The following MGAT5B variants were observed in gnomAD, a reference collection of about 807,000 sequenced individuals.
The protein encoded by MGAT5B is alpha-1,6-mannosylglycoprotein 6-beta-N-acetylglucosaminyltransferase B.
In MGAT5B, 54 loss-of-function variants were observed where a neutral mutation model predicts 95.1. The observed-to-expected ratio is 0.57, with a 90% confidence interval of 0.46 to 0.71. MGAT5B has a LOEUF of 0.71. Ranked by LOEUF, MGAT5B falls within the 30% of genes least tolerant of loss-of-function variation. MGAT5B has a pLI of 0.00. For missense variants in MGAT5B, 935 were observed against 1,088.6 expected (o/e 0.86, Z 1.99); for synonymous variants, 464 against 451.0 (o/e 1.03, Z -0.36).
In MGAT5B at chr17:76,906,202, A is replaced by G; in HGVS notation, c.1025+15A>G. 6.3e-7 allele frequency: 1 copy of G among 1,585,526 alleles called. No individual in the cohort carries two copies. Among genetic ancestry groups the G allele is most frequent in the Non-Finnish European group, 8.6e-7 (1 of 1,169,412 alleles). ...GAGCTGCAGAGGTGAGTGCTGGGGA[A>G]AGCCACTGGCATTAAGTGGGGCAGG... On this transcript the variant is annotated intron_variant, in intron 8 of 17. Coordinates refer to ENST00000569840, the MANE Select transcript of MGAT5B (RefSeq NM_001199172.2). The surrounding 1 kb of genome is among the most constrained non-coding windows in gnomAD (Gnocchi z 4.6).
chr17:76,921,927 G>A (rs980357487), intron 8 of MGAT5B, among the ~76,000 whole-genome samples: 1 of 152,180 alleles, frequency 6.6e-6, no homozygotes, highest in Admixed American at 6.5e-5. Flanking sequence ...AAGATGAAAG[G>A]AGCTGATGAA....
At position 76,914,382 on chromosome 17, in the gene MGAT5B, G is replaced by A. The variant is rs1968853538; in HGVS notation, c.1025+8195G>A. On this transcript the variant is annotated intron_variant, in intron 8 of 17. Transcript: ENST00000569840. This position sits in a 1 kb window ranked among gnomAD's most constrained non-coding sequence, Gnocchi z 5.1. Reference sequence around the variant, plus strand: ...GCAGGGGTTACAGAATCGCAGGCAGGTGTGTTTGCCTCCTGGGGGTGACCA... The same window carrying A: ...GCAGGGGTTACAGAATCGCAGGCAGATGTGTTTGCCTCCTGGGGGTGACCA... 6.6e-6 allele frequency among the ~76,000 whole-genome samples: 1 copy of A among 152,192 alleles called. No homozygotes were observed. Among genetic ancestry groups the A allele is most frequent in the Admixed American group, 6.5e-5 (1 of 15,286 alleles).
intron 12 of MGAT5B, among the ~76,000 whole-genome samples, chr17:76,937,608 G>T (rs536877117): frequency 6.6e-6 from 1 of 152,074 alleles, no homozygotes; most frequent in South Asian, 2.1e-4. Context: ...TGGGATGGGT[G>T]AGAGAGAGAG....
rs1471198762 is a variant in MGAT5B, at chr17:76,896,398, TAC to T, written c.330-6153_330-6152del. On this transcript the variant is annotated intron_variant, in intron 3 of 17. Coordinates refer to ENST00000569840, the MANE Select transcript of MGAT5B (RefSeq NM_001199172.2). ...TAAAGCCTGTGCTGGCGATGGGTTTTACACAGACATGCTTGTCGCAGGAAAAT... is the reference window on the plus strand; with the variant it reads ...TAAAGCCTGTGCTGGCGATGGGTTTTACAGACATGCTTGTCGCAGGAAAAT... 9.8e-5 allele frequency among the ~76,000 whole-genome samples: 15 copies of T among 152,356 alleles called. No homozygotes were observed. In the East Asian group the frequency reaches 2.7e-3, roughly 27 times the overall value.
In MGAT5B at chr17:76,889,158, G is replaced by A. The variant is rs571299049; in HGVS notation, c.329+6860G>A. Among the ~76,000 whole-genome samples, 1 of 152,338 alleles carries A rather than the reference G, an allele frequency of 6.6e-6. No individual in the cohort carries two copies. The highest frequency in any genetic ancestry group is 2.4e-5 in the African/African-American group (1 of 41,578). ...AGGTACACCGAGCTGTTTTGCAGAT[G>A]CAGTGAGAAGATGCAGGGCTGGCGC... On this transcript the variant is annotated intron_variant, in intron 3 of 17. Coordinates refer to ENST00000569840, the MANE Select transcript of MGAT5B (RefSeq NM_001199172.2). The surrounding 1 kb of genome is among the most constrained non-coding windows in gnomAD (Gnocchi z 4.4).
rs1269194761 is a variant in MGAT5B at position 76,902,535 on chromosome 17, C to G, written c.330-20C>G. 1.3e-6 allele frequency: 2 copies of G among 1,554,518 alleles called. No homozygotes were observed. Among genetic ancestry groups the G allele is most frequent in the South Asian group, 2.4e-5 (2 of 84,796 alleles). ...CACCCCGGCCGGTTCTGTGGCTCACCTCTGGCTTTTCCCACTTAGGATGCC... is the reference window on the plus strand; with the variant it reads ...CACCCCGGCCGGTTCTGTGGCTCACGTCTGGCTTTTCCCACTTAGGATGCC... On this transcript the variant is annotated intron_variant, in intron 3 of 17. Coordinates refer to ENST00000569840, the MANE Select transcript of MGAT5B (RefSeq NM_001199172.2).
At chr17:76,873,733 C>T (rs1849952588) in intron 2 of MGAT5B, among the ~76,000 whole-genome samples, 1 of 152,172 alleles carries the variant, frequency 6.6e-6, no homozygotes, top group South Asian at 2.1e-4. Flanking sequence ...GAGCCCTGCT[C>T]ACTGTATCAT....
rs1374011994 is a variant in MGAT5B at position 76,905,462 on chromosome 17, G to C, written c.855+129G>C. On this transcript the variant is annotated intron_variant, in intron 7 of 17. Coordinates refer to ENST00000569840, the MANE Select transcript of MGAT5B (RefSeq NM_001199172.2). The surrounding 1 kb of genome is among the most constrained non-coding windows in gnomAD (Gnocchi z 4.2). The stretch of plus-strand genomic sequence containing the variant: ...TGAATTTGATCAGAGGGAGAGAGGG[G>C]TAGGGATGGCAGAGTCGGGATAGAT... 2 of 870,200 alleles carry C rather than the reference G, an allele frequency of 2.3e-6. No individual in the cohort carries two copies. Among genetic ancestry groups the C allele is most frequent in the East Asian group, 2.7e-5 (1 of 36,500 alleles). The allele number at this position is 870,200 out of a possible 1,614,324, so 53.9% of individuals were successfully genotyped here.
Position 76,948,754 on chromosome 17 carries a change from C to G in MGAT5B, c.2295C>G (p.Ala765=), listed in dbSNP as rs112517312. ...LQKEPLLFSC[A]GSNTKYRRLC... is the part of the protein sequence containing the mutation. Reference sequence around the variant, plus strand: ...AGGAGCCTCTGCTCTTCAGCTGCGCCGGCTCCAACACCAAGTACCGCCGGC... The same window carrying G: ...AGGAGCCTCTGCTCTTCAGCTGCGCGGGCTCCAACACCAAGTACCGCCGGC... Residue 765 remains alanine, a synonymous_variant, in exon 18 of 18, where the codon GCC becomes GCG. Coordinates refer to ENST00000569840, the MANE Select transcript of MGAT5B (RefSeq NM_001199172.2). 3,083 of 1,611,390 alleles carry G rather than the reference C, an allele frequency of 1.9e-3. 39 individuals are homozygous for G. The African/African-American group carries it at 0.037, about 19-fold the overall frequency.
chr17:76,938,502 G>A lies in MGAT5B; in HGVS notation c.1584+359G>A, dbSNP rs375500995. Among the ~76,000 whole-genome samples the A allele has an allele frequency of 1.3e-5, 2 of 152,332 alleles. No individual in the cohort carries two copies. On this transcript the variant is annotated intron_variant, in intron 13 of 17. Coordinates refer to ENST00000569840, the MANE Select transcript of MGAT5B (RefSeq NM_001199172.2). The surrounding 1 kb of genome is among the most constrained non-coding windows in gnomAD (Gnocchi z 4.3). ...AGACACTGAGCTGGGGGGTGGTTGG[G>A]TGGGTGGAGAGAAGGGTCCTGGCTA...
At chr17:76,943,200 G>GT (rs35636565) in intron 15 of MGAT5B, among the ~76,000 whole-genome samples, 5,063 of 151,294 alleles carry the variant, frequency 0.033, 121 homozygotes, top group Non-Finnish European at 0.051. Context: ...TTCCTGTTTG[G>GT]TTTTTTTTTA....
intron 12 of MGAT5B, among the ~76,000 whole-genome samples, chr17:76,934,197 C>T (rs1969584834): frequency 6.6e-6 from 1 of 152,172 alleles, no homozygotes; most frequent in Admixed American, 6.5e-5. Flanking sequence ...TTGCTATGTG[C>T]CAGGCATTGT....
rs2411040 is a variant in MGAT5B at position 76,917,769 on chromosome 17, G to A, written c.1026-7197G>A. 0.083 allele frequency among the ~76,000 whole-genome samples: 12,687 copies of A among 152,202 alleles called. 730 individuals are homozygous for A. Among genetic ancestry groups the A allele is most frequent in the East Asian group, 0.21 (1,072 of 5,142 alleles). ...TAGCAAGAGCCCCTGGCACACAGGAGTCACCCGAGGAGCTGAAAATAATCC... is the reference window on the plus strand; with the variant it reads ...TAGCAAGAGCCCCTGGCACACAGGAATCACCCGAGGAGCTGAAAATAATCC... On this transcript the variant is annotated intron_variant, in intron 8 of 17. Coordinates refer to ENST00000569840, the MANE Select transcript of MGAT5B (RefSeq NM_001199172.2). This position sits in a 1 kb window ranked among gnomAD's most constrained non-coding sequence, Gnocchi z 6.1.
In MGAT5B at chr17:76,898,835, A is replaced by C. The variant is rs368224653; in HGVS notation, c.330-3720A>C. Among the ~76,000 whole-genome samples, 341 of 152,274 alleles carry C rather than the reference A, an allele frequency of 2.2e-3. 12 individuals carry two copies. In the South Asian group the frequency reaches 0.067, roughly 30 times the overall value. ...TGTGTAGTCTTTTATCCCTCACATA[A>C]GGCCACATTCTGAAGTTCCAGCTGG... is the stretch of plus-strand genomic sequence containing the variant. On this transcript the variant is annotated intron_variant, in intron 3 of 17. Transcript: ENST00000569840.
intron 16 of MGAT5B, among the ~76,000 whole-genome samples, chr17:76,947,352 G>A (rs954852666): frequency 2.6e-5 from 4 of 152,208 alleles, no homozygotes; most frequent in Admixed American, 1.3e-4. Context: ...GGTCAGGGCC[G>A]TGGCCAGAAC....
chr17:76,888,453 C>T lies in MGAT5B; in HGVS notation c.329+6155C>T, dbSNP rs571002912. 3.9e-5 allele frequency among the ~76,000 whole-genome samples: 6 copies of T among 152,256 alleles called. No homozygotes were observed. The East Asian group carries it at 7.7e-4, about 20-fold the overall frequency. On this transcript the variant is annotated intron_variant, in intron 3 of 17. Coordinates refer to ENST00000569840, the MANE Select transcript of MGAT5B (RefSeq NM_001199172.2). ...ATGCGTGTCTGTAGGCACCTGTGTA[C>T]GTGAGTCTCTGTGTTTTAAAAGAAA...
intron 11 of MGAT5B, 41 bp downstream of exon 11, chr17:76,932,816 G>C: frequency 2.5e-6 from 4 of 1,607,098 alleles, no homozygotes; most frequent in African/African-American, 1.3e-5. Flanking sequence ...CAGCCTGCTC[G>C]GCACAGGCCC....
intron 3 of MGAT5B, among the ~76,000 whole-genome samples, chr17:76,888,367 G>C (rs1967739958): frequency 6.6e-6 from 1 of 152,098 alleles, no homozygotes; most frequent in African/African-American, 2.4e-5. Flanking sequence ...GCGACAGAGA[G>C]GATCCGTCTC....
intron 10 of MGAT5B, among the ~76,000 whole-genome samples, chr17:76,929,585 A>G (rs907057202): frequency 6.6e-6 from 1 of 152,218 alleles, no homozygotes. Flanking sequence ...GTTTATCTCA[A>G]TCTCTCTGGA....
Sources: gnomAD v4.1 joint callset for allele counts (sites outside exome capture counted in the v4.1 genomes callset) on GRCh38, gnomAD v4.1.1 for gene constraint, Gnocchi (gnomAD v3.1) non-coding constraint, MANE v1.5 for transcripts, NCBI Gene and HGNC (gene_info 2026-07-23, HGNC 2026-07-21) for gene names.